The following TRPM6 variants were observed in gnomAD, a reference collection of about 807,000 sequenced individuals.
TRPM6 encodes transient receptor potential cation channel subfamily M member 6.
TRPM6 carries 111 observed loss-of-function variants against 247.6 expected under a neutral mutation model. The observed-to-expected ratio is 0.45, with a 90% CI of 0.38 to 0.52. TRPM6 has a LOEUF of 0.52. Among genes scored for constraint, TRPM6 ranks in the 20% least tolerant of loss-of-function variants. The probability of loss-of-function intolerance (pLI) is 0.00; values close to 1 mark genes in which losing one functional copy is unlikely to be tolerated. For missense variants in TRPM6, 2,126 were observed against 2,421.5 expected (o/e 0.88, Z 2.56); for synonymous variants, 892 against 853.8 (o/e 1.04, Z -0.78).
At chr9:74,764,138 AAAGT>A (rs1457002507) in intron 25 of TRPM6, among the ~76,000 whole-genome samples, 2 of 152,030 alleles carry the variant, frequency 1.3e-5, no homozygotes, top group Non-Finnish European at 2.9e-5. Context: ...AAAAAAAAAA[AAAGT>A]AAAAATTAAT....
chr9:74,797,257 A>C (rs190892253), intron 17 of TRPM6, among the ~76,000 whole-genome samples: 1 of 152,238 alleles, frequency 6.6e-6, no homozygotes, highest in Non-Finnish European at 1.5e-5. Flanking sequence ...ATGAAAAGGT[A>C]GCCACGCTAT....
chr9:74,882,784 T>G (rs756609338), intron 1 of TRPM6, among the ~76,000 whole-genome samples: 6 of 152,210 alleles, frequency 3.9e-5, no homozygotes, highest in African/African-American at 7.2e-5. Flanking sequence ...GAAAGCAGAT[T>G]CAACCACCTA....
At chr9:74,750,748 G>C (rs371153977) in intron 29 of TRPM6, 26 bp from the exon 30 acceptor site, 1 of 1,611,806 alleles carries the variant, frequency 6.2e-7, no homozygotes, top group Non-Finnish European at 8.5e-7. Context: ...AGGCCGTTAC[G>C]TGTGTGCTCA....
At chr9:74,852,661 T>A (rs1273821531) in intron 3 of TRPM6, among the ~76,000 whole-genome samples, 1 of 152,074 alleles carries the variant, frequency 6.6e-6, no homozygotes, top group Non-Finnish European at 1.5e-5. Context: ...CTGACTGGTT[T>A]TTGTATTTTT....
intron 9 of TRPM6, among the ~76,000 whole-genome samples, chr9:74,818,293 CTTTTT>C (rs1161401022): frequency 5.1e-4 from 37 of 72,022 alleles, no homozygotes; most frequent in South Asian, 2.5e-3. Context: ...TCTATCATTT[CTTTTT>C]TTTTTTTTTT....
chr9:74,868,886 A>C (rs1830934990), intron 1 of TRPM6, among the ~76,000 whole-genome samples: 1 of 152,186 alleles, frequency 6.6e-6, no homozygotes, highest in Non-Finnish European at 1.5e-5. Context: ...GAAACATCTA[A>C]ACAAGGATGC....
chr9:74,746,998 G>A (rs1334053869), intron 31 of TRPM6, among the ~76,000 whole-genome samples: 6 of 148,618 alleles, frequency 4.0e-5, no homozygotes, highest in Non-Finnish European at 8.8e-5. Context: ...AACAGCCAAA[G>A]AAGAAGAGCC....
At chr9:74,801,478 T>C (rs562636168) in intron 16 of TRPM6, among the ~76,000 whole-genome samples, 63 of 152,280 alleles carry the variant, frequency 4.1e-4, no homozygotes, top group African/African-American at 1.5e-3. Flanking sequence ...TTTTCCACCA[T>C]TACTCTCTGG....
intron 18 of TRPM6, among the ~76,000 whole-genome samples, 187 bp downstream of exon 18, chr9:74,796,554 C>T (rs574408356): frequency 2.0e-5 from 3 of 152,152 alleles, no homozygotes; most frequent in African/African-American, 4.8e-5. Flanking sequence ...ATTAAGAGAA[C>T]TAAATGCTTG....
At chr9:74,817,119 T>C (rs1828962483) in intron 9 of TRPM6, among the ~76,000 whole-genome samples, 155 bp from the exon 10 acceptor site, 1 of 152,132 alleles carries the variant, frequency 6.6e-6, no homozygotes, top group South Asian at 2.1e-4. Flanking sequence ...AACTTTTAAA[T>C]AGGGTAACAA....
At chr9:74,790,240 T>C (rs1225521230) in intron 19 of TRPM6, among the ~76,000 whole-genome samples, 1 of 152,160 alleles carries the variant, frequency 6.6e-6, no homozygotes, top group East Asian at 1.9e-4. Flanking sequence ...TTAGTGCCTA[T>C]GATTTAAGGA....
intron 6 of TRPM6, among the ~76,000 whole-genome samples, chr9:74,831,852 TA>T (rs1353382896): frequency 6.6e-6 from 1 of 152,224 alleles, no homozygotes; most frequent in Middle Eastern, 3.2e-3. Context: ...TATACAACTG[TA>T]CCACAAGGTA....
rs148722929 is a variant in TRPM6, at chr9:74,774,036, G to T, written c.3403+1847C>A. On this transcript the variant is annotated intron_variant, in intron 24 of 38. Transcript: ENST00000360774. ...ATCCAGAGTAATTCCAATGACAGGC[G>T]CAGCTTGCAGTATGTGGCGCTTTCC... Among the ~76,000 whole-genome samples the T allele has an allele frequency of 1.2e-4, 19 of 152,152 alleles. 1 individual carries two copies. Among genetic ancestry groups the T allele is most frequent in the Non-Finnish European group, 1.5e-5 (1 of 68,040 alleles).
At chr9:74,750,743 G>T (rs376415286) in intron 29 of TRPM6, 21 bp from the exon 30 acceptor site, 2 of 1,612,744 alleles carry the variant, frequency 1.2e-6, no homozygotes, top group African/African-American at 1.3e-5. Flanking sequence ...GGGAAAGGCC[G>T]TTACGTGTGT....
chr9:74,826,175 A>T (rs1587548450), intron 7 of TRPM6, among the ~76,000 whole-genome samples: 2 of 152,214 alleles, frequency 1.3e-5, no homozygotes, highest in East Asian at 3.9e-4. Context: ...CCTAATATAC[A>T]TCTTCTCAAT....
intron 1 of TRPM6, among the ~76,000 whole-genome samples, chr9:74,876,969 C>T (rs575772144): frequency 6.6e-6 from 1 of 152,154 alleles, no homozygotes; most frequent in East Asian, 1.9e-4. Context: ...GAACAAATGT[C>T]GAATAAACCC....
At chr9:74,760,328 T>C (rs1294333913) in intron 27 of TRPM6, among the ~76,000 whole-genome samples, 1 of 152,204 alleles carries the variant, frequency 6.6e-6, no homozygotes, top group Non-Finnish European at 1.5e-5. Flanking sequence ...TAGATATGCT[T>C]AGATACACAA....
chr9:74,879,698 CAT>C (rs1831300073), intron 1 of TRPM6, among the ~76,000 whole-genome samples: 1 of 152,172 alleles, frequency 6.6e-6, no homozygotes, highest in East Asian at 1.9e-4. Flanking sequence ...TAGCTGAACA[CAT>C]AGAGGTTCCT....
intron 5 of TRPM6, among the ~76,000 whole-genome samples, chr9:74,836,305 T>C (rs1180640323): frequency 6.6e-6 from 1 of 152,232 alleles, no homozygotes; most frequent in Admixed American, 6.5e-5. Context: ...ATTCTTCCTA[T>C]GTGTGGTACT....
Sources: allele counts gnomAD v4.1 joint callset (sites outside exome capture counted in the v4.1 genomes callset), GRCh38; gene constraint gnomAD v4.1.1; transcripts MANE v1.5; gene names NCBI Gene and HGNC (gene_info 2026-07-23, HGNC 2026-07-21).